The following ABCC11 variants were observed in gnomAD, a reference collection of about 807,000 sequenced individuals.
ABCC11 encodes ATP binding cassette subfamily C member 11.
In ABCC11, 135 loss-of-function variants were observed where a neutral mutation model predicts 149.3. That is an observed-to-expected ratio of 0.90 (90% CI 0.79 to 1.04). ABCC11 has a LOEUF of 1.04. Among genes scored for constraint, ABCC11 ranks in the 50% least tolerant of loss-of-function variants. The probability of loss-of-function intolerance (pLI) is 0.00; values close to 1 mark genes in which losing one functional copy is unlikely to be tolerated. For missense variants in ABCC11, 1,680 were observed against 1,722.1 expected (o/e 0.98, Z 0.43); for synonymous variants, 665 against 671.4 (o/e 0.99, Z 0.15).
intron 1 of ABCC11, among the ~76,000 whole-genome samples, chr16:48,243,734 G>A (rs192164257): frequency 2.2e-4 from 33 of 152,320 alleles, no homozygotes; most frequent in African/African-American, 7.0e-4. Flanking sequence ...GCTCACGCCT[G>A]TAATCCCAGC....
intron 2 of ABCC11, among the ~76,000 whole-genome samples, chr16:48,230,904 A>G (rs1018145702): frequency 6.6e-6 from 1 of 152,226 alleles, no homozygotes; most frequent in South Asian, 2.1e-4. Flanking sequence ...GGGTAAATCT[A>G]CTAAAAAGAA....
intron 1 of ABCC11, among the ~76,000 whole-genome samples, 180 bp downstream of exon 1, chr16:48,247,134 T>G (rs1334731613): frequency 1.3e-5 from 2 of 152,306 alleles, no homozygotes; most frequent in African/African-American, 2.4e-5. Context: ...TTAAAAAGCC[T>G]ATGTGGAAAG....
At chr16:48,247,102 T>C (rs1971432223) in intron 1 of ABCC11, among the ~76,000 whole-genome samples, 1 of 152,310 alleles carries the variant, frequency 6.6e-6, no homozygotes, top group African/African-American at 2.4e-5. Context: ...CATCTAGTTA[T>C]CCTAGAAGTA....
In ABCC11 at chr16:48,200,468, C is replaced by T. The variant is rs954148790; in HGVS notation, c.1890G>A (p.Arg630=). 5 of 1,613,898 alleles carry T rather than the reference C, an allele frequency of 3.1e-6. No individual in the cohort carries two copies. Among genetic ancestry groups the T allele is most frequent in the Non-Finnish European group, 4.2e-6 (5 of 1,179,980 alleles). ...TCTGCCCCCCAGAGAGGTTGAGGCC[C>T]CGCTCTCCAATCTGCAGACAGGCAG... ...PFGDMTEIGE[R]GLNLSGGQKQ... The change falls in exon 15 of 30, where the codon CGG becomes CGA. Residue 630 remains arginine (R), a synonymous_variant. Coordinates refer to ENST00000356608, the MANE Select transcript of ABCC11 (RefSeq NM_001370497.1).
chr16:48,224,567 C>A (rs1969951790), intron 4 of ABCC11, 138 bp from the exon 5 acceptor site: 1 of 907,376 alleles, frequency 1.1e-6, no homozygotes, highest in African/African-American at 1.7e-5. Flanking sequence ...CTTCTGAGTA[C>A]TCATCCCCCT....
chr16:48,177,887 T>A (rs1966189862), intron 24 of ABCC11, among the ~76,000 whole-genome samples: 1 of 152,202 alleles, frequency 6.6e-6, no homozygotes, highest in Non-Finnish European at 1.5e-5. Context: ...AAGCAAAAGT[T>A]CTGCCTGGCC....
intron 17 of ABCC11, among the ~76,000 whole-genome samples, chr16:48,197,737 A>G (rs145666724): frequency 6.6e-6 from 1 of 152,254 alleles, no homozygotes; most frequent in East Asian, 1.9e-4. Flanking sequence ...CTGATGTACA[A>G]CCTTAGCTGT....
intron 26 of ABCC11, among the ~76,000 whole-genome samples, chr16:48,172,465 T>C (rs1965782123): frequency 1.3e-5 from 2 of 151,450 alleles, no homozygotes; most frequent in South Asian, 4.2e-4. Flanking sequence ...TCTCACTCTG[T>C]CTACGAGGCT....
intron 20 of ABCC11, among the ~76,000 whole-genome samples, chr16:48,189,853 A>T (rs1966856319): frequency 2.0e-5 from 3 of 152,204 alleles, no homozygotes; most frequent in Admixed American, 2.0e-4. Context: ...CTTCATGGCA[A>T]CACAATTTGC....
intron 18 of ABCC11, among the ~76,000 whole-genome samples, chr16:48,194,773 C>T (rs1468067350): frequency 2.6e-5 from 4 of 152,224 alleles, no homozygotes; most frequent in Admixed American, 2.6e-4. Flanking sequence ...AGATACTGGG[C>T]CCTCACCAGA....
intron 19 of ABCC11, among the ~76,000 whole-genome samples, chr16:48,192,956 G>A (rs996405853): frequency 1.5e-4 from 23 of 152,158 alleles, no homozygotes; most frequent in African/African-American, 2.4e-4. Context: ...CCTTGTGCAC[G>A]CTCTGCTGTG....
chr16:48,223,476 G>A (rs1189046284), intron 5 of ABCC11: 2 of 153,422 alleles, frequency 1.3e-5, no homozygotes, highest in Non-Finnish European at 2.9e-5. Context: ...ATGGAGAGTG[G>A]ATCTAGAGGA....
chr16:48,207,379 G>A (rs1240350422), intron 12 of ABCC11, among the ~76,000 whole-genome samples: 7 of 152,086 alleles, frequency 4.6e-5, no homozygotes, highest in Non-Finnish European at 1.0e-4. Flanking sequence ...TGAAACTGGA[G>A]AAATGGCCGG....
In ABCC11 at chr16:48,208,422, T is replaced by C. The variant is rs779054014; in HGVS notation, c.1680+3A>G. On this transcript the variant is annotated splice_donor_region_variant and intron_variant, in intron 12 of 29. Transcript: ENST00000356608. The stretch of plus-strand genomic sequence containing the variant: ...GGCAAGCATGTGGCCACAGATCACT[T>C]ACCTCCTCCAGGATGGCTGACAACA... The C allele has an allele frequency of 2.5e-6, 4 of 1,614,052 alleles. No homozygotes were observed. In the South Asian group the frequency reaches 3.3e-5, roughly 13 times the overall value.
chr16:48,229,322 A>G (rs1970278542), intron 3 of ABCC11, among the ~76,000 whole-genome samples: 1 of 152,216 alleles, frequency 6.6e-6, no homozygotes, highest in Admixed American at 6.5e-5. Context: ...TCAATATGGT[A>G]ACAATGTAAC....
intron 23 of ABCC11, 119 bp downstream of exon 23, chr16:48,184,321 A>G: frequency 8.1e-7 from 1 of 1,232,880 alleles, no homozygotes; most frequent in Non-Finnish European, 1.1e-6. Flanking sequence ...TCCTAAGATC[A>G]CACGTGGCCA....
In ABCC11 at chr16:48,227,796, G is replaced by A. The variant is rs370629302; in HGVS notation, c.395+10C>T. ...TAACCTATCCACTGGTTTGCCCAGC[G>A]CAGCTTCACCTTTGGACATTTTTGT... On this transcript the variant is annotated intron_variant, in intron 4 of 29. Transcript: ENST00000356608. 92 of 1,613,688 alleles carry A rather than the reference G, an allele frequency of 5.7e-5. 1 individual carries two copies. Among genetic ancestry groups the A allele is most frequent in the African/African-American group, 1.6e-4 (12 of 74,860 alleles).
At chr16:48,214,364 T>C (rs567220275) in intron 9 of ABCC11, among the ~76,000 whole-genome samples, 1 of 152,244 alleles carries the variant, frequency 6.6e-6, no homozygotes, top group Admixed American at 6.5e-5. Flanking sequence ...TCTCAAATGC[T>C]TCCCTTCTTG....
intron 20 of ABCC11, among the ~76,000 whole-genome samples, chr16:48,190,743 G>A (rs1053647249): frequency 6.6e-6 from 1 of 152,148 alleles, no homozygotes; most frequent in Admixed American, 6.5e-5. Flanking sequence ...TGTAAAATGA[G>A]GATAATATCC....
Sources: gnomAD v4.1 joint callset for allele counts (sites outside exome capture counted in the v4.1 genomes callset) on GRCh38, gnomAD v4.1.1 for gene constraint, MANE v1.5 for transcripts, NCBI Gene and HGNC (gene_info 2026-07-23, HGNC 2026-07-21) for gene names.